CPSF3: variants seen among roughly 807,000 people sequenced by gnomAD.
The protein encoded by CPSF3 is cleavage and polyadenylation specificity factor subunit 3.
A neutral mutation model predicts 84.1 loss-of-function variants in CPSF3; 57 were observed. The observed-to-expected ratio is 0.68, with a 90% CI of 0.55 to 0.85. CPSF3 has a LOEUF of 0.85. CPSF3 is among the 40% of genes least tolerant of loss of function. The pLI, the probability that CPSF3 is intolerant of heterozygous loss-of-function variation, is 0.00. For synonymous variants in CPSF3, 275 were observed against 278.1 expected (o/e 0.99, Z 0.11); for missense variants, 522 against 838.8 (o/e 0.62, Z 4.66).
intron 12 of CPSF3, among the ~76,000 whole-genome samples, chr2:9,453,717 C>T (rs553132109): frequency 2.0e-5 from 3 of 152,102 alleles, no homozygotes; most frequent in South Asian, 4.2e-4. Context: ...ATGGTGAATC[C>T]CCGTCTCTAC....
At chr2:9,451,923 G>A (rs1681346375) in intron 11 of CPSF3, among the ~76,000 whole-genome samples, 1 of 151,872 alleles carries the variant, frequency 6.6e-6, no homozygotes, top group South Asian at 2.1e-4. Context: ...TCATTATATT[G>A]GCCAGGATGG....
At chr2:9,442,102 A>G (rs1680974019) in intron 9 of CPSF3, 126 bp downstream of exon 9, 1 of 950,548 alleles carries the variant, frequency 1.1e-6, no homozygotes, top group Non-Finnish European at 1.6e-6. Flanking sequence ...AAAAATGAGG[A>G]CGGGAATAGG....
In CPSF3 at chr2:9,440,564, T is replaced by C; in HGVS notation, c.834T>C (p.Cys278=). Residue 278 remains cysteine (C), a synonymous_variant, in exon 8 of 18, where the codon TGT becomes TGC. Transcript: ENST00000238112. ...IYYASSLAKK[C]MAVYQTYVNA... ...ATGCATCATCTTTGGCCAAGAAGTG[T>C]ATGGCAGTGTACCAGACATATGTAA... 1 of 1,614,142 alleles carries C rather than the reference T, an allele frequency of 6.2e-7. No individual in the cohort carries two copies. The highest frequency in any genetic ancestry group is 8.5e-7 in the Non-Finnish European group (1 of 1,179,966).
At chr2:9,433,278 G>T (rs1420518772) in intron 5 of CPSF3, among the ~76,000 whole-genome samples, 1 of 152,198 alleles carries the variant, frequency 6.6e-6, no homozygotes, top group Non-Finnish European at 1.5e-5. Flanking sequence ...TGGAGGCGCA[G>T]CTTGGCCTTT....
chr2:9,448,081 T>C, intron 10 of CPSF3, 117 bp from the exon 11 acceptor site: 1 of 548,652 alleles, frequency 1.8e-6, no homozygotes, highest in South Asian at 6.2e-5. Context: ...TTTCATAACT[T>C]CCAAGTATGT....
At chr2:9,443,688 A>G in intron 10 of CPSF3, 27 bp downstream of exon 10, 1 of 1,604,962 alleles carries the variant, frequency 6.2e-7, no homozygotes, top group Non-Finnish European at 8.5e-7. Context: ...CATTTATTGT[A>G]TTAAAGGGAA....
At chr2:9,436,453 C>A in intron 7 of CPSF3, 92 bp downstream of exon 7, 2 of 1,348,372 alleles carry the variant, frequency 1.5e-6, no homozygotes, top group South Asian at 1.5e-5. Context: ...TTCCACCGTT[C>A]TGGACTTCAG....
At chr2:9,463,518 A>C (rs1681802682) in intron 15 of CPSF3, among the ~76,000 whole-genome samples, 1 of 152,236 alleles carries the variant, frequency 6.6e-6, no homozygotes, top group African/African-American at 2.4e-5. Context: ...ATAATGATCC[A>C]GGGTATGTAT....
At position 9,423,815 on chromosome 2, in the gene CPSF3, C is replaced by G; in HGVS notation, c.42C>G (p.Ile14Met). The change falls in exon 1 of 18, where the codon ATC becomes ATG. Residue 14 changes from isoleucine to methionine, a missense_variant. This residue lies in a region of CPSF3 where 329 missense variants were observed against 607.2 expected (regional missense o/e 0.54). Coordinates refer to ENST00000238112, the MANE Select transcript of CPSF3 (RefSeq NM_016207.4). ...CTGAGGAGAGCGACCAGCTGCTGAT[C>G]CGACCCCTGTAAGGGACCAGCGAGA... is the stretch of plus-strand genomic sequence containing the variant. ...IPAEESDQLL[I>M]RPLGAGQEVG... is the part of the protein sequence containing the mutation. 1 of 1,613,422 alleles carries G rather than the reference C, an allele frequency of 6.2e-7. No homozygotes were observed. The highest frequency in any genetic ancestry group is 8.5e-7 in the Non-Finnish European group (1 of 1,179,756).
intron 1 of CPSF3, among the ~76,000 whole-genome samples, chr2:9,427,996 A>G (rs1364273416): frequency 4.2e-5 from 6 of 141,546 alleles, no homozygotes; most frequent in African/African-American, 1.6e-4. Context: ...AAAAAAAAAA[A>G]TTTTTTTTTT....
chr2:9,471,219 A>AG (rs1682150279), intron 16 of CPSF3, 124 bp from the exon 17 acceptor site: 1 of 596,462 alleles, frequency 1.7e-6, no homozygotes, highest in African/African-American at 1.9e-5. Flanking sequence ...ATCTCAAAAA[A>AG]AAAAAGAAAA....
chr2:9,471,592 T>G (rs1239513548), intron 17 of CPSF3, among the ~76,000 whole-genome samples, 153 bp downstream of exon 17: 1 of 152,184 alleles, frequency 6.6e-6, no homozygotes, highest in Non-Finnish European at 1.5e-5. Flanking sequence ...CTTTTTATAT[T>G]ATTATGGTTG....
At position 9,468,179 on chromosome 2, in the gene CPSF3, T is replaced by A. The variant is rs372753366; in HGVS notation, c.1856+403T>A. Among the ~76,000 whole-genome samples the A allele has an allele frequency of 4.6e-5, 7 of 152,354 alleles. No homozygotes were observed. The East Asian group carries it at 1.3e-3, about 29-fold the overall frequency. ...TGGTGTTCTTCTAGACTCTTCTTAGTCTGTAAGCGATGAATTAACTTTAAA... is the reference window on the plus strand; with the variant it reads ...TGGTGTTCTTCTAGACTCTTCTTAGACTGTAAGCGATGAATTAACTTTAAA... On this transcript the variant is annotated intron_variant, in intron 16 of 17. Transcript: ENST00000238112.
chr2:9,457,175 G>GTA (rs1481212918), intron 14 of CPSF3, 148 bp downstream of exon 14: 240 of 478,818 alleles, frequency 5.0e-4, no homozygotes, highest in Non-Finnish European at 7.6e-4. Flanking sequence ...GTGTGTGTGT[G>GTA]TGTGTGTGTG....
At chr2:9,472,805 C>T (rs950275842) in intron 17 of CPSF3, 111 bp from the exon 18 acceptor site, 32 of 787,034 alleles carry the variant, frequency 4.1e-5, no homozygotes, top group Admixed American at 8.1e-5. Context: ...CACGCCACCA[C>T]AGCTGGCTAA....
chr2:9,451,906 C>T (rs532485370), intron 11 of CPSF3, among the ~76,000 whole-genome samples: 5 of 151,964 alleles, frequency 3.3e-5, no homozygotes, highest in South Asian at 2.1e-4. Flanking sequence ...TTAGTAGAGA[C>T]GGGGTTTCAT....
chr2:9,471,723 A>G (rs1303484732), intron 17 of CPSF3, among the ~76,000 whole-genome samples: 1 of 151,790 alleles, frequency 6.6e-6, no homozygotes, highest in Non-Finnish European at 1.5e-5. Context: ...TTTGGCATCT[A>G]GTTGACTCTC....
intron 15 of CPSF3, among the ~76,000 whole-genome samples, chr2:9,466,314 A>G (rs1352399905): frequency 1.4e-5 from 1 of 72,252 alleles, no homozygotes; most frequent in Non-Finnish European, 4.2e-5. Context: ...ACGCACACTG[A>G]CGCACGCACA....
rs1681555672 is a variant in CPSF3 at position 9,457,037 on chromosome 2, G to T, written c.1698+10G>T. 1 of 1,491,442 alleles carries T rather than the reference G, an allele frequency of 6.7e-7. No homozygotes were observed. The highest frequency in any genetic ancestry group is 9.2e-7 in the Non-Finnish European group (1 of 1,085,872). 92.4% of individuals were successfully genotyped at this position (1,491,442 alleles called of 1,614,324 possible). A position where few individuals can be genotyped will look rare whatever the true frequency, so the allele number is the denominator to read the frequency against. On this transcript the variant is annotated intron_variant, in intron 14 of 17. Coordinates refer to ENST00000238112, the MANE Select transcript of CPSF3 (RefSeq NM_016207.4). ...CATGGTGGTATTAGAAGTAAGAAAA[G>T]ATCATTTACCTAAACAATGAGGGGA...
Sources: allele counts gnomAD v4.1 joint callset (sites outside exome capture counted in the v4.1 genomes callset), GRCh38; gene constraint gnomAD v4.1.1; regional missense constraint gnomAD v4.1.1; transcripts MANE v1.5; gene names NCBI Gene and HGNC (gene_info 2026-07-23, HGNC 2026-07-21).